ZCCHC7: variants seen among roughly 807,000 people sequenced by gnomAD.
The protein encoded by ZCCHC7 is zinc finger CCHC-type containing 7.
Under a neutral mutation model 52.0 loss-of-function variants are expected in ZCCHC7, and 35 were observed. The ratio of observed to expected loss-of-function variants is 0.67; its 90% CI spans 0.51 to 0.89. The LOEUF (loss-of-function observed/expected upper bound fraction) is 0.89. Ranked by LOEUF, ZCCHC7 falls within the 40% of genes least tolerant of loss-of-function variation. The pLI is 0.00. For synonymous variants in ZCCHC7, 217 were observed against 221.5 expected (o/e 0.98, Z 0.18); for missense variants, 574 against 649.1 (o/e 0.88, Z 1.26).
At chr9:37,310,789 CA>C (rs200657747) in intron 5 of ZCCHC7, among the ~76,000 whole-genome samples, 7,612 of 147,644 alleles carry the variant, frequency 0.052, 627 homozygotes, top group African/African-American at 0.18. Context: ...CACTCTTTAC[CA>C]AAAAAAAAAT....
At chr9:37,301,693 T>A (rs932365054) in intron 2 of ZCCHC7, among the ~76,000 whole-genome samples, 1 of 152,124 alleles carries the variant, frequency 6.6e-6, no homozygotes, top group African/African-American at 2.4e-5. Flanking sequence ...TTACACAATT[T>A]TTTTGTTATG....
chr9:37,337,549 G>C (rs1830737057), intron 6 of ZCCHC7, among the ~76,000 whole-genome samples: 1 of 152,104 alleles, frequency 6.6e-6, no homozygotes, highest in South Asian at 2.1e-4. Flanking sequence ...AGAGCTGCCA[G>C]TTTCCAGGCG....
chr9:37,243,880 G>A (rs571893329), intron 2 of ZCCHC7, among the ~76,000 whole-genome samples: 24 of 151,912 alleles, frequency 1.6e-4, no homozygotes, highest in Admixed American at 3.3e-4. Context: ...AAAGAGCATC[G>A]CACAGTGGAT....
At chr9:37,348,347 G>GTTCTTTGTTTCTTTCTTTCTTTCT (rs1821141478) in intron 6 of ZCCHC7, among the ~76,000 whole-genome samples, 1 of 135,488 alleles carries the variant, frequency 7.4e-6, no homozygotes, top group Non-Finnish European at 1.5e-5. Flanking sequence ...ATACCAGTTC[G>GTTCTTTGTTTCTTTCTTTCTTTCT]TTCTTTCTTT....
intron 2 of ZCCHC7, among the ~76,000 whole-genome samples, chr9:37,288,418 A>G (rs973512200): frequency 6.6e-6 from 1 of 151,470 alleles, no homozygotes; most frequent in Non-Finnish European, 1.5e-5. Flanking sequence ...TCTAATATAC[A>G]AATTCTTCCT....
intron 2 of ZCCHC7, among the ~76,000 whole-genome samples, chr9:37,150,316 G>A (rs1024320383): frequency 2.0e-4 from 30 of 152,118 alleles, no homozygotes; most frequent in African/African-American, 7.2e-4. Flanking sequence ...ATATTTTGAG[G>A]ACCAGTAAAC....
intron 2 of ZCCHC7, among the ~76,000 whole-genome samples, chr9:37,182,172 C>T (rs1298826821): frequency 2.0e-5 from 3 of 152,234 alleles, no homozygotes; most frequent in African/African-American, 2.4e-5. Context: ...GCTGCAAGTT[C>T]GAGGCTGGCC....
rs774347475 is a variant in ZCCHC7 at position 37,349,390 on chromosome 9, C to T, written c.1021C>T (p.Pro341Ser). 1.9e-6 allele frequency: 3 copies of T among 1,614,044 alleles called. No homozygotes were observed. The highest frequency in any genetic ancestry group is 3.3e-5 in the Admixed American group (2 of 60,014). The change falls in exon 7 of 9, where the codon CCT becomes TCT. Residue 341 changes from proline (P) to serine (S), a missense_variant. This residue lies in a region of ZCCHC7 where 403 missense variants were observed against 461.2 expected (regional missense o/e 0.87). Transcript: ENST00000336755. ...KPGPPKKPKTPSRPSALAYCY... is the reference protein window; with the variant it reads ...KPGPPKKPKTSSRPSALAYCY... ...TGGACCACCCAAAAAGCCGAAGACC[C>T]CTTCAAGACCATCAGCCTTAGCATA...
chr9:37,157,372 C>T lies in ZCCHC7; in HGVS notation c.610+30430C>T, dbSNP rs1208430513. Among the ~76,000 whole-genome samples, 10 of 152,000 alleles carry T rather than the reference C, an allele frequency of 6.6e-5. No homozygotes were observed. The East Asian group carries it at 1.6e-3, about 24-fold the overall frequency. ...TCCAGGTGTGGTGCTTGCCTGTAGT[C>T]CCAGCTACTTGGGGAAACTGAGGCA... is the stretch of plus-strand genomic sequence containing the variant. On this transcript the variant is annotated intron_variant, in intron 2 of 8. Transcript: ENST00000336755.
intron 2 of ZCCHC7, among the ~76,000 whole-genome samples, chr9:37,256,774 A>G (rs1440935437): frequency 2.6e-5 from 4 of 152,188 alleles, no homozygotes; most frequent in African/African-American, 4.8e-5. Context: ...TAGATTTTAC[A>G]TTGTAACTAA....
At chr9:37,318,696 T>G (rs1259190792) in intron 5 of ZCCHC7, among the ~76,000 whole-genome samples, 2 of 151,954 alleles carry the variant, frequency 1.3e-5, no homozygotes, top group Non-Finnish European at 2.9e-5. Context: ...GCAGATCACT[T>G]AAGGTCAGAA....
chr9:37,168,197 A>G (rs1185137511), intron 2 of ZCCHC7, among the ~76,000 whole-genome samples: 1 of 152,168 alleles, frequency 6.6e-6, no homozygotes, highest in Non-Finnish European at 1.5e-5. Context: ...GAATTCACCT[A>G]GATGTCTTTC....
At chr9:37,282,185 G>A (rs1217438910) in intron 2 of ZCCHC7, among the ~76,000 whole-genome samples, 1 of 152,158 alleles carries the variant, frequency 6.6e-6, no homozygotes. Flanking sequence ...AGTTTTGCCA[G>A]ATGAAAATAA....
At chr9:37,351,094 G>A (rs1448581225) in intron 7 of ZCCHC7, among the ~76,000 whole-genome samples, 2 of 152,046 alleles carry the variant, frequency 1.3e-5, no homozygotes, top group Non-Finnish European at 2.9e-5. Context: ...GAAGAAAAGT[G>A]CTGAACAGAA....
At position 37,273,404 on chromosome 9, in the gene ZCCHC7, G is replaced by A. The variant is rs183221011; in HGVS notation, c.611-28784G>A. Among the ~76,000 whole-genome samples the A allele has an allele frequency of 9.2e-5, 14 of 152,330 alleles. 1 individual carries two copies. The highest frequency in any genetic ancestry group is 7.7e-4 in the East Asian group (4 of 5,188). On this transcript the variant is annotated intron_variant, in intron 2 of 8. Transcript: ENST00000336755. ...TGTAGTCCCAGCTACTCAGGAGGCC[G>A]AGGCAGGAGAATGGCGTGAACCTGG...
chr9:37,172,080 A>T (rs1347625985), intron 2 of ZCCHC7, among the ~76,000 whole-genome samples: 1 of 152,162 alleles, frequency 6.6e-6, no homozygotes, highest in East Asian at 1.9e-4. Context: ...TAAAGTTCTA[A>T]TGTACTTTCT....
intron 2 of ZCCHC7, among the ~76,000 whole-genome samples, chr9:37,286,303 C>T (rs988104206): frequency 1.2e-4 from 19 of 152,124 alleles, no homozygotes; most frequent in Admixed American, 1.2e-3. Flanking sequence ...TCATAAACCT[C>T]ACCTGTTCTC....
intron 2 of ZCCHC7, among the ~76,000 whole-genome samples, chr9:37,295,892 C>A (rs966737583): frequency 6.6e-6 from 1 of 151,992 alleles, no homozygotes; most frequent in African/African-American, 2.4e-5. Context: ...TGGAGTATAC[C>A]AAGTAACTAG....
intron 2 of ZCCHC7, among the ~76,000 whole-genome samples, chr9:37,258,620 T>G (rs1826707107): frequency 6.6e-6 from 1 of 151,628 alleles, no homozygotes; most frequent in African/African-American, 2.4e-5. Context: ...GCGTGGCACA[T>G]GCCGGTAGTC....
Sources: allele counts gnomAD v4.1 joint callset (sites outside exome capture counted in the v4.1 genomes callset), GRCh38; gene constraint gnomAD v4.1.1; regional missense constraint gnomAD v4.1.1; transcripts MANE v1.5; gene names NCBI Gene and HGNC (gene_info 2026-07-23, HGNC 2026-07-21).